The following TTBK2 variants were observed in gnomAD, a reference collection of about 807,000 sequenced individuals.
The protein encoded by TTBK2 is tau tubulin kinase 2, also known as tau-tubulin kinase 2.
In TTBK2, 28 loss-of-function variants were observed where a neutral mutation model predicts 110.8. The ratio of observed to expected loss-of-function variants is 0.25; its 90% CI spans 0.19 to 0.35. The LOEUF (loss-of-function observed/expected upper bound fraction) is 0.35. Ranked by LOEUF, TTBK2 falls within the 10% of genes least tolerant of loss-of-function variation. The pLI, the probability that TTBK2 is intolerant of heterozygous loss-of-function variation, is 1.00. For missense variants in TTBK2, 1,369 were observed against 1,500.3 expected (o/e 0.91, Z 1.45); for synonymous variants, 532 against 527.3 (o/e 1.01, Z -0.12).
chr15:42,773,662 A>G (rs1889773960), intron 13 of TTBK2, among the ~76,000 whole-genome samples: 1 of 152,170 alleles, frequency 6.6e-6, no homozygotes. Context: ...AGCCTCCATG[A>G]AGGGAGGCAC....
chr15:42,838,726 G>A (rs1284163734), intron 4 of TTBK2, among the ~76,000 whole-genome samples: 1 of 152,002 alleles, frequency 6.6e-6, no homozygotes, highest in African/African-American at 2.4e-5. Flanking sequence ...TGAGGCAGAA[G>A]AATCGCTTGA....
chr15:42,753,314 G>A (rs1282476044), intron 13 of TTBK2, 67 bp from the exon 14 acceptor site: 1 of 1,461,112 alleles, frequency 6.8e-7, no homozygotes, highest in African/African-American at 1.4e-5. Flanking sequence ...CATGCTTTGA[G>A]ATTTAACATC....
chr15:42,784,598 T>A (rs1890328542), intron 10 of TTBK2, among the ~76,000 whole-genome samples: 2 of 152,148 alleles, frequency 1.3e-5, no homozygotes, highest in African/African-American at 4.8e-5. Flanking sequence ...TTTTTAAAAA[T>A]TCTAAACAGG....
At chr15:42,816,085 A>AATAAATAAAT (rs1397691949) in intron 7 of TTBK2, among the ~76,000 whole-genome samples, 9 of 67,444 alleles carry the variant, frequency 1.3e-4, no homozygotes, top group African/African-American at 6.1e-4. Context: ...TAAATAAATA[A>AATAAATAAAT]ATATATATAT....
At chr15:42,754,114 A>G (rs1246614375) in intron 13 of TTBK2, among the ~76,000 whole-genome samples, 5 of 137,572 alleles carry the variant, frequency 3.6e-5, no homozygotes, top group Non-Finnish European at 4.6e-5. Flanking sequence ...AGACACGGTT[A>G]CTGTGTCACC....
chr15:42,801,833 C>G, intron 9 of TTBK2: 1 of 896,516 alleles, frequency 1.1e-6, no homozygotes, highest in Non-Finnish European at 1.9e-6. Flanking sequence ...TTGATGAGCA[C>G]AAATTCATTC....
Position 42,752,949 on chromosome 15 carries a change from A to G in TTBK2, c.2297T>C (p.Val766Ala). Residue 766 changes from valine (V) to alanine (A), a missense_variant, in exon 14 of 15, where the codon GTT becomes GCT. This residue lies in a region of TTBK2 where 1,097 missense variants were observed against 1,114.7 expected (regional missense o/e 0.98). Transcript: ENST00000267890. ...PKELPDHNRL[V>A]VREFENLPGE... Reference sequence around the variant, plus strand: ...AGGGAGATTTTCAAATTCTCTCACAACCAGTCTATTATGATCAGGAAGTTC... The same window carrying G: ...AGGGAGATTTTCAAATTCTCTCACAGCCAGTCTATTATGATCAGGAAGTTC... 1.2e-6 allele frequency: 2 copies of G among 1,614,212 alleles called. No homozygotes were observed. The highest frequency in any genetic ancestry group is 8.5e-7 in the Non-Finnish European group (1 of 1,180,036).
chr15:42,898,015 C>T (rs1308388837), intron 1 of TTBK2, among the ~76,000 whole-genome samples: 1 of 151,928 alleles, frequency 6.6e-6, no homozygotes, highest in Non-Finnish European at 1.5e-5. Flanking sequence ...CTTGGTGAAA[C>T]TCCATATCTA....
intron 1 of TTBK2, among the ~76,000 whole-genome samples, chr15:42,911,175 A>C (rs1262680502): frequency 6.6e-6 from 1 of 152,234 alleles, no homozygotes; most frequent in African/African-American, 2.4e-5. Context: ...TTCTTACAAA[A>C]GGTGGATATG....
At position 42,775,675 on chromosome 15, in the gene TTBK2, G is replaced by A; in HGVS notation, c.1458C>T (p.Leu486=). ...CGCAAGGCTTATGCAGCAGAGCAGG[G>A]AGAATAGATTCTTTTCCTGCACTGG... is the stretch of plus-strand genomic sequence containing the variant. The part of the protein sequence containing the change: ...KDTSAGKESI[L]PALLHKPCVP... Residue 486 remains leucine (L), a synonymous_variant, in exon 13 of 15, where the codon CTC becomes CTT. Coordinates refer to ENST00000267890, the MANE Select transcript of TTBK2 (RefSeq NM_173500.4). The A allele has an allele frequency of 6.2e-7, 1 of 1,613,356 alleles. No individual in the cohort carries two copies. The highest frequency in any genetic ancestry group is 8.5e-7 in the Non-Finnish European group (1 of 1,179,814).
chr15:42,811,790 C>A lies in TTBK2; in HGVS notation c.604-10G>T, dbSNP rs965504390. 1 of 1,610,764 alleles carries A rather than the reference C, an allele frequency of 6.2e-7. No individual in the cohort carries two copies. Among genetic ancestry groups the A allele is most frequent in the Non-Finnish European group, 8.5e-7 (1 of 1,177,456 alleles). ...CATGTCTTCCCATTTCCTTCATAAA[C>A]AAAACAGAATCCAGTCACATAACAT... On this transcript the variant is annotated splice_polypyrimidine_tract_variant and intron_variant, in intron 7 of 14. Coordinates refer to ENST00000267890, the MANE Select transcript of TTBK2 (RefSeq NM_173500.4).
At chr15:42,886,106 A>C (rs1895235280) in intron 1 of TTBK2, among the ~76,000 whole-genome samples, 1 of 151,856 alleles carries the variant, frequency 6.6e-6, no homozygotes, top group Non-Finnish European at 1.5e-5. Flanking sequence ...TTTCTGTCCT[A>C]TCTGTTCCTT....
chr15:42,911,928 T>C (rs2030777041), intron 1 of TTBK2, among the ~76,000 whole-genome samples: 1 of 151,458 alleles, frequency 6.6e-6, no homozygotes, highest in Non-Finnish European at 1.5e-5. Context: ...ACACATGAAA[T>C]ATACTAACAC....
intron 3 of TTBK2, among the ~76,000 whole-genome samples, chr15:42,858,518 A>G (rs1894031601): frequency 6.6e-6 from 1 of 152,202 alleles, no homozygotes; most frequent in African/African-American, 2.4e-5. Context: ...GTACATATTT[A>G]AATTTTTCAT....
intron 2 of TTBK2, among the ~76,000 whole-genome samples, chr15:42,876,311 A>G (rs1894818616): frequency 6.6e-6 from 1 of 152,178 alleles, no homozygotes; most frequent in Admixed American, 6.5e-5. Flanking sequence ...TTGCTCAGAT[A>G]TATTAGTTCT....
intron 7 of TTBK2, among the ~76,000 whole-genome samples, chr15:42,816,113 T>TATATATATATATAC (rs1567040901): frequency 3.2e-5 from 4 of 125,288 alleles, no homozygotes; most frequent in African/African-American, 1.3e-4. Context: ...TATATATATA[T>TATATATATATATAC]ATATATGTGT....
intron 10 of TTBK2, among the ~76,000 whole-genome samples, chr15:42,786,150 AC>A (rs1312472195): frequency 1.3e-5 from 2 of 152,066 alleles, no homozygotes; most frequent in African/African-American, 4.8e-5. Context: ...AAAAAAACTT[AC>A]AACCTAGTAA....
intron 6 of TTBK2, among the ~76,000 whole-genome samples, chr15:42,826,131 TA>T (rs1299091330): frequency 6.6e-6 from 1 of 152,116 alleles, no homozygotes; most frequent in Non-Finnish European, 1.5e-5. Context: ...TAGCAATAAA[TA>T]AATAATTGTA....
At chr15:42,761,876 C>A (rs1391688154) in intron 13 of TTBK2, among the ~76,000 whole-genome samples, 1 of 152,174 alleles carries the variant, frequency 6.6e-6, no homozygotes, top group Non-Finnish European at 1.5e-5. Context: ...TGTCCCCACC[C>A]AAATCTCATC....
Sources: gnomAD v4.1 joint callset for allele counts (sites outside exome capture counted in the v4.1 genomes callset) on GRCh38, gnomAD v4.1.1 for gene constraint, gnomAD v4.1.1 regional missense constraint, MANE v1.5 for transcripts, NCBI Gene and HGNC (gene_info 2026-07-23, HGNC 2026-07-21) for gene names.